PLEKHA8: variants seen among roughly 807,000 people sequenced by gnomAD.
PLEKHA8 encodes pleckstrin homology domain containing A8.
A neutral mutation model predicts 68.2 loss-of-function variants in PLEKHA8; 36 were observed. That is an observed-to-expected ratio of 0.53 (90% CI 0.40 to 0.70). PLEKHA8 has a LOEUF of 0.70. Ranked by LOEUF, PLEKHA8 falls within the 30% of genes least tolerant of loss-of-function variation. The pLI is 0.00. For synonymous variants in PLEKHA8, 211 were observed against 216.1 expected (o/e 0.98, Z 0.20); for missense variants, 505 against 615.4 (o/e 0.82, Z 1.90).
rs1190376620 is a variant in PLEKHA8, at chr7:30,049,253, A to G, written c.468A>G (p.Lys156=). The G allele has an allele frequency of 1.9e-6, 3 of 1,613,922 alleles. No homozygotes were observed. In the South Asian group the frequency reaches 3.3e-5, roughly 18 times the overall value. Residue 156 remains lysine (K), a synonymous_variant, in exon 5 of 14, where the codon AAA becomes AAG. Coordinates refer to ENST00000449726, the MANE Select transcript of PLEKHA8 (RefSeq NM_001197026.2). ...GAATTGATGTGGGAACTTTGCTGAA[A>G]TCAACCTGTAATACTTTTCTGAAGA... is the stretch of plus-strand genomic sequence containing the variant. ...EEGIDVGTLL[K]STCNTFLKTL...
At chr7:30,061,676 A>G (rs1012332829) in intron 10 of PLEKHA8, among the ~76,000 whole-genome samples, 9 of 152,252 alleles carry the variant, frequency 5.9e-5, no homozygotes, top group Non-Finnish European at 1.2e-4. Context: ...AAATAACTTT[A>G]AGAACAAAAC....
intron 11 of PLEKHA8, 100 bp downstream of exon 11, chr7:30,062,127 T>A: frequency 7.2e-7 from 1 of 1,392,452 alleles, no homozygotes; most frequent in Non-Finnish European, 9.6e-7. Flanking sequence ...GAGTGAAGGA[T>A]CTAGTTGAAT....
At position 30,065,255 on chromosome 7, in the gene PLEKHA8, A is replaced by G. The variant is rs1042814198; in HGVS notation, c.1300+2513A>G. ...CAATGGAAAAGAGAAGGGAGGCTGT[A>G]AATTTGACATTTTTGTCCTGATGTT... On this transcript the variant is annotated intron_variant, in intron 12 of 13. Transcript: ENST00000449726. 3.9e-5 allele frequency among the ~76,000 whole-genome samples: 6 copies of G among 152,278 alleles called. No homozygotes were observed. In the East Asian group the frequency reaches 1.2e-3, roughly 29 times the overall value.
In PLEKHA8 at chr7:30,049,352, A is replaced by G. The variant is rs1412217120; in HGVS notation, c.567A>G (p.Ser189=). 2 of 1,614,094 alleles carry G rather than the reference A, an allele frequency of 1.2e-6. No homozygotes were observed. Among genetic ancestry groups the G allele is most frequent in the Non-Finnish European group, 1.7e-6 (2 of 1,179,974 alleles). Residue 189 remains serine (S), a synonymous_variant, in exon 5 of 14, where the codon TCA becomes TCG. Coordinates refer to ENST00000449726, the MANE Select transcript of PLEKHA8 (RefSeq NM_001197026.2). ...SELLYRTPPG[S]PQLAMLKSSK... is the part of the protein sequence containing the mutation. ...TGCTCTACCGCACTCCACCAGGATCACCTCAGCTGGCCATGCTCAAGTCCA... is the reference window on the plus strand; with the variant it reads ...TGCTCTACCGCACTCCACCAGGATCGCCTCAGCTGGCCATGCTCAAGTCCA...
intron 13 of PLEKHA8, among the ~76,000 whole-genome samples, chr7:30,129,009 C>G (rs1796828611): frequency 6.6e-6 from 1 of 152,178 alleles, no homozygotes; most frequent in Admixed American, 6.5e-5. Context: ...AAACACCTCC[C>G]AATAGGCCCT....
Position 30,028,853 on chromosome 7 carries a change from G to C in PLEKHA8, c.40+51G>C, listed in dbSNP as rs1486738739. On this transcript the variant is annotated intron_variant, in intron 1 of 13. Coordinates refer to ENST00000449726, the MANE Select transcript of PLEKHA8 (RefSeq NM_001197026.2). ...CGCGCCGGGGGCCGGTCCTTTGTCT[G>C]CGCGGCTGGAGGGCGGTGTCTGGAC... The C allele has an allele frequency of 2.4e-6, 3 of 1,248,154 alleles. No homozygotes were observed. The African/African-American group carries it at 4.6e-5, about 19-fold the overall frequency. The allele number at this position is 1,248,154 out of a possible 1,614,324, so 77.3% of individuals were successfully genotyped here.
chr7:30,121,534 C>G (rs1389360736), intron 13 of PLEKHA8, among the ~76,000 whole-genome samples: 3 of 152,098 alleles, frequency 2.0e-5, no homozygotes, highest in Non-Finnish European at 4.4e-5. Flanking sequence ...GGGGCTGAGG[C>G]AGGAGAATCG....
At chr7:30,038,084 G>A (rs922331307) in intron 1 of PLEKHA8, among the ~76,000 whole-genome samples, 12 of 152,126 alleles carry the variant, frequency 7.9e-5, no homozygotes, top group East Asian at 5.8e-4. Context: ...GAACTGTGGC[G>A]GACTTAAAGG....
chr7:30,061,750 T>C (rs1793453990), intron 10 of PLEKHA8, 147 bp from the exon 11 acceptor site: 1 of 783,750 alleles, frequency 1.3e-6, no homozygotes, highest in African/African-American at 1.8e-5. Flanking sequence ...ACAAATACTA[T>C]CATGAAAACA....
intron 11 of PLEKHA8, 38 bp downstream of exon 11, chr7:30,062,065 C>G: frequency 1.3e-6 from 2 of 1,571,922 alleles, no homozygotes; most frequent in Non-Finnish European, 1.7e-6. Flanking sequence ...TAAAATCTAG[C>G]TCAAAAAAAA....
chr7:30,107,389 T>C (rs1212557009), intron 13 of PLEKHA8, among the ~76,000 whole-genome samples: 1 of 152,142 alleles, frequency 6.6e-6, no homozygotes, highest in African/African-American at 2.4e-5. Flanking sequence ...AATGTATCTT[T>C]TGGAAAATTA....
Position 30,078,984 on chromosome 7 carries a change from T to G in PLEKHA8, c.*197T>G. On this transcript the variant is annotated 3_prime_UTR_variant, in exon 14 of 14. Coordinates refer to ENST00000449726, the MANE Select transcript of PLEKHA8 (RefSeq NM_001197026.2). ...GTTTAAAGATCAAGGTGCTATATAT[T>G]TCAGTTCAGCAGGCCTACTGGAAAC... 1 of 1,361,084 alleles carries G rather than the reference T, an allele frequency of 7.3e-7. No individual in the cohort carries two copies. The allele number at this position is 1,361,084 out of a possible 1,614,324, so 84.3% of individuals were successfully genotyped here. A position where few individuals can be genotyped will look rare whatever the true frequency, so the allele number is the denominator to read the frequency against.
At position 30,084,254 on chromosome 7, in the gene PLEKHA8, G is replaced by A. The variant is rs1052351265; in HGVS notation, c.*5467G>A. On this transcript the variant is annotated 3_prime_UTR_variant, in exon 14 of 14. Transcript: ENST00000449726. Reference sequence around the variant, plus strand: ...TTTTTAAGTCACTGTTTAATTCCATGCCTAGTATTCTTATGAATGTTTGTG... The same window carrying A: ...TTTTTAAGTCACTGTTTAATTCCATACCTAGTATTCTTATGAATGTTTGTG... 54 of 985,178 alleles carry A rather than the reference G, an allele frequency of 5.5e-5. No individual in the cohort carries two copies. The highest frequency in any genetic ancestry group is 3.1e-4 in the Admixed American group (5 of 16,262). The allele number at this position is 985,178 out of a possible 1,614,324, so 61.0% of individuals were successfully genotyped here. A position where few individuals can be genotyped will look rare whatever the true frequency, so the allele number is the denominator to read the frequency against.
chr7:30,034,010 C>CTTTTTTTTTTTTT (rs56796780), intron 1 of PLEKHA8, among the ~76,000 whole-genome samples: 1 of 34,632 alleles, frequency 2.9e-5, no homozygotes, highest in Non-Finnish European at 4.8e-5. Context: ...TAAGAGGTTT[C>CTTTTTTTTTTTTT]TTTTTTTTTT....
intron 12 of PLEKHA8, among the ~76,000 whole-genome samples, chr7:30,089,728 A>G (rs1795334116): frequency 1.3e-5 from 2 of 152,208 alleles, no homozygotes; most frequent in Admixed American, 1.3e-4. Context: ...TCCAAGAAAC[A>G]AAAGTTCCCA....
chr7:30,094,739 T>C (rs556432227), downstream of PLEKHA8, among the ~76,000 whole-genome samples: 3 of 137,992 alleles, frequency 2.2e-5, no homozygotes, highest in East Asian at 7.1e-4. Context: ...TGTGTTCTCA[T>C]TGTTCAATTC....
Position 30,061,979 on chromosome 7 carries a change from T to A in PLEKHA8, c.1181T>A (p.Val394Glu). ...KIVLHEVEAD[V>E]AQVRNSATEA... Reference sequence around the variant, plus strand: ...GTGCTGCACGAAGTGGAGGCGGATGTAGCCCAGGTTAGGAACTCAGCGACT... The same window carrying A: ...GTGCTGCACGAAGTGGAGGCGGATGAAGCCCAGGTTAGGAACTCAGCGACT... Residue 394 changes from valine (V) to glutamate (E), a missense_variant, in exon 11 of 14, where the codon GTA becomes GAA. Val to Glu is a moderately radical substitution (Grantham distance 121, BLOSUM62 -2). Transcript: ENST00000449726. The A allele has an allele frequency of 6.2e-7, 1 of 1,614,062 alleles. No homozygotes were observed. The highest frequency in any genetic ancestry group is 8.5e-7 in the Non-Finnish European group (1 of 1,179,978).
chr7:30,084,427 A>G lies in PLEKHA8; in HGVS notation c.*5640A>G, dbSNP rs1181339652. ...TGTCAAGTGGCTTGTTAACTTCTTA[A>G]TTTAATGGACCTTTACTTAGAATAT... On this transcript the variant is annotated 3_prime_UTR_variant, in exon 14 of 14. Coordinates refer to ENST00000449726, the MANE Select transcript of PLEKHA8 (RefSeq NM_001197026.2). The G allele has an allele frequency of 2.0e-6, 2 of 985,252 alleles. No individual in the cohort carries two copies. The highest frequency in any genetic ancestry group is 3.5e-5 in the African/African-American group (2 of 57,220). The allele number at this position is 985,252 out of a possible 1,614,324, so 61.0% of individuals were successfully genotyped here.
chr7:30,042,261 A>G (rs772752476), intron 1 of PLEKHA8, among the ~76,000 whole-genome samples: 68 of 152,324 alleles, frequency 4.5e-4, no homozygotes, highest in Middle Eastern at 3.4e-3. Flanking sequence ...CTCTAGTCAC[A>G]TGAGCTAGTT....
Sources: gnomAD v4.1 joint callset for allele counts (sites outside exome capture counted in the v4.1 genomes callset) on GRCh38, gnomAD v4.1.1 for gene constraint, MANE v1.5 for transcripts, NCBI Gene and HGNC (gene_info 2026-07-23, HGNC 2026-07-21) for gene names.